AFG2A: variants seen among roughly 807,000 people sequenced by gnomAD.
The protein encoded by AFG2A is ATPase family gene 2 protein homolog A.
the AFG2A span, among the ~76,000 whole-genome samples, chr4:123,144,585 G>A: frequency 6.6e-6 from 1 of 152,092 alleles, no homozygotes; most frequent in Non-Finnish European, 1.5e-5. Flanking sequence ...AAACCACACA[G>A]TAATTAAAAA....
chr4:122,931,992 C>T, the AFG2A span, among the ~76,000 whole-genome samples: 8 of 152,128 alleles, frequency 5.3e-5, no homozygotes, highest in African/African-American at 1.4e-4. Context: ...GGAAGCCAGA[C>T]GCAGTGGCTC....
the AFG2A span, among the ~76,000 whole-genome samples, chr4:123,255,482 G>A: frequency 6.9e-6 from 1 of 144,378 alleles, no homozygotes. Flanking sequence ...GTGGCAGAGT[G>A]AGACTCTGTC....
At chr4:123,282,688 CAA>C in the AFG2A span, among the ~76,000 whole-genome samples, 1 of 151,460 alleles carries the variant, frequency 6.6e-6, no homozygotes, top group Non-Finnish European at 1.5e-5. Context: ...ACTGGCTTAT[CAA>C]AGAGTTGGCA....
At chr4:123,229,561 G>C in the AFG2A span, among the ~76,000 whole-genome samples, 1 of 151,952 alleles carries the variant, frequency 6.6e-6, no homozygotes, top group Non-Finnish European at 1.5e-5. Context: ...TGAGGAAGTG[G>C]TTCAAACAGT....
chr4:123,296,334 C>G, the AFG2A span, among the ~76,000 whole-genome samples: 4 of 152,112 alleles, frequency 2.6e-5, no homozygotes, highest in Non-Finnish European at 5.9e-5. Context: ...AATTCTGTTT[C>G]TTGAACATAA....
the AFG2A span, among the ~76,000 whole-genome samples, chr4:123,140,518 C>T: frequency 2.8e-5 from 4 of 144,798 alleles, no homozygotes; most frequent in African/African-American, 1.0e-4. Context: ...TTTAAAAAAG[C>T]GATTCTTTCT....
the AFG2A span, among the ~76,000 whole-genome samples, chr4:122,948,783 G>GGAGTT: frequency 2.0e-5 from 3 of 151,852 alleles, no homozygotes; most frequent in African/African-American, 7.3e-5. Flanking sequence ...ACTTCCACAT[G>GGAGTT]GCAACCTCCT....
chr4:122,935,090 C>T, the AFG2A span, among the ~76,000 whole-genome samples: 1 of 152,100 alleles, frequency 6.6e-6, no homozygotes, highest in Admixed American at 6.6e-5. Context: ...GGAAATGTAA[C>T]TGTGTACCCA....
At chr4:123,017,356 CTTCT>C in the AFG2A span, among the ~76,000 whole-genome samples, 9 of 129,538 alleles carry the variant, frequency 6.9e-5, no homozygotes, top group Non-Finnish European at 9.6e-5. Context: ...GAACTTTTGA[CTTCT>C]TTTTTTTTTT....
the AFG2A span, among the ~76,000 whole-genome samples, chr4:123,194,098 TATTGA>T: frequency 6.6e-6 from 1 of 152,244 alleles, no homozygotes; most frequent in African/African-American, 2.4e-5. Flanking sequence ...TCTCTGTACT[TATTGA>T]ATTATAAGTG....
chr4:122,932,485 G>C, the AFG2A span, among the ~76,000 whole-genome samples: 5 of 152,000 alleles, frequency 3.3e-5, no homozygotes, highest in African/African-American at 1.2e-4. Flanking sequence ...GAGCCACCAT[G>C]CTCAGTTCCA....
the AFG2A span, among the ~76,000 whole-genome samples, chr4:122,925,917 T>C: frequency 1.3e-5 from 2 of 152,226 alleles, no homozygotes; most frequent in South Asian, 2.1e-4. Flanking sequence ...TGGATGGTTG[T>C]TTGAAATTAT....
At chr4:123,181,079 G>C in the AFG2A span, among the ~76,000 whole-genome samples, 3 of 150,394 alleles carry the variant, frequency 2.0e-5, no homozygotes, top group Non-Finnish European at 4.4e-5. Context: ...CCGCCTCCCA[G>C]GTTCACGCCA....
the AFG2A span, among the ~76,000 whole-genome samples, chr4:123,140,375 C>T: frequency 8.6e-5 from 13 of 152,038 alleles, no homozygotes; most frequent in African/African-American, 3.1e-4. Flanking sequence ...ATTCCAACAT[C>T]ACAATAGAAA....
the AFG2A span, among the ~76,000 whole-genome samples, chr4:123,035,906 T>C: frequency 4.3e-4 from 66 of 152,238 alleles, no homozygotes; most frequent in South Asian, 8.3e-4. Context: ...TTTAAACTTA[T>C]AAGAAGTTTA....
chr4:123,260,652 T>C, the AFG2A span, among the ~76,000 whole-genome samples: 9 of 152,206 alleles, frequency 5.9e-5, no homozygotes, highest in African/African-American at 1.9e-4. Context: ...CAAACTAAAA[T>C]ATCAGTCATT....
the AFG2A span, among the ~76,000 whole-genome samples, chr4:123,177,887 T>TC: frequency 1.3e-5 from 2 of 152,190 alleles, no homozygotes; most frequent in African/African-American, 4.8e-5. Flanking sequence ...CCTCCTTGTG[T>TC]CTTACTGTTC....
At chr4:123,279,199 T>G in the AFG2A span, among the ~76,000 whole-genome samples, 1 of 152,124 alleles carries the variant, frequency 6.6e-6, no homozygotes, top group Admixed American at 6.5e-5. Context: ...GTGGATCACC[T>G]TAGGTCAGGA....
the AFG2A span, among the ~76,000 whole-genome samples, chr4:123,114,205 C>A: frequency 9.2e-5 from 14 of 152,090 alleles, no homozygotes; most frequent in Admixed American, 8.5e-4. Context: ...AAGTGCATGC[C>A]GATTGGTCCA....
Sources: gnomAD v4.1 joint callset for allele counts (sites outside exome capture counted in the v4.1 genomes callset) on GRCh38, gnomAD v4.1.1 for gene constraint, MANE v1.5 for transcripts, NCBI Gene and HGNC (gene_info 2026-07-23, HGNC 2026-07-21) for gene names.